The following PCDHGA4 variants were observed in gnomAD, a reference collection of about 807,000 sequenced individuals.
PCDHGA4 encodes protocadherin gamma subfamily A, 4.
In PCDHGA4, 38 loss-of-function variants were observed where a neutral mutation model predicts 54.6. The ratio of observed to expected loss-of-function variants is 0.70; its 90% CI spans 0.54 to 0.91. The LOEUF is 0.91. PCDHGA4 is among the 40% of genes least tolerant of loss of function. The pLI is 0.00. For missense variants in PCDHGA4, 1,298 were observed against 1,220.9 expected (o/e 1.06, Z -0.94); for synonymous variants, 511 against 512.9 (o/e 1.00, Z 0.05).
intron 1 of PCDHGA4, chr5:141,374,786 G>A (rs1476058358): frequency 1.2e-6 from 2 of 1,613,912 alleles, no homozygotes; most frequent in Admixed American, 1.7e-5. Flanking sequence ...AGTTCTAGAT[G>A]TGAATGACAA....
chr5:141,362,349 G>T (rs765171901), intron 1 of PCDHGA4: 1 of 1,613,918 alleles, frequency 6.2e-7, no homozygotes, highest in Non-Finnish European at 8.5e-7. Context: ...CTGGACCTGG[G>T]GTTCTCCCCA....
At chr5:141,371,995 C>T in intron 1 of PCDHGA4, 2 of 1,613,264 alleles carry the variant, frequency 1.2e-6, no homozygotes, top group Non-Finnish European at 1.7e-6. Context: ...ACTCTGCAGG[C>T]CCGCGACCAG....
At chr5:141,478,785 A>C in intron 1 of PCDHGA4, 1 of 1,482,486 alleles carries the variant, frequency 6.7e-7, no homozygotes, top group Non-Finnish European at 9.0e-7. Flanking sequence ...GACCTAATTC[A>C]CATCCTCAGC....
rs574920194 is a variant in PCDHGA4 at position 141,364,921 on chromosome 5, A to C, written c.2514+7300A>C. ...AAAAGTATCCGGAGCTGGTGTTGGA[A>C]CAGCCCCTAGACCGCGAGAAAGAGA... On this transcript the variant is annotated intron_variant, in intron 1 of 3. Coordinates refer to ENST00000571252, the MANE Select transcript of PCDHGA4 (RefSeq NM_018917.4). 2.2e-5 allele frequency: 36 copies of C among 1,613,954 alleles called. No individual in the cohort carries two copies. In the African/African-American group the frequency reaches 3.6e-4, roughly 16 times the overall value.
At chr5:141,374,730 A>G (rs1770785005) in intron 1 of PCDHGA4, 1 of 1,610,644 alleles carries the variant, frequency 6.2e-7, no homozygotes, top group South Asian at 1.1e-5. Context: ...ACTGCCATGG[A>G]TGGCGGCGAC....
intron 1 of PCDHGA4, among the ~76,000 whole-genome samples, chr5:141,381,823 CTTCTT>C (rs1323470445): frequency 1.5e-4 from 15 of 101,616 alleles, no homozygotes; most frequent in African/African-American, 5.6e-4. Context: ...TTTCTTTCTT[CTTCTT>C]TTTTTTTTTT....
At chr5:141,374,761 C>T in intron 1 of PCDHGA4, 1 of 1,613,458 alleles carries the variant, frequency 6.2e-7, no homozygotes, top group African/African-American at 1.3e-5. Context: ...CAAGCGTCGC[C>T]CAAATTCTGG....
intron 1 of PCDHGA4, chr5:141,372,483 G>C: frequency 1.2e-6 from 2 of 1,614,028 alleles, no homozygotes; most frequent in Non-Finnish European, 1.7e-6. Flanking sequence ...AGTGGCGTTG[G>C]CCTTGATCTC....
chr5:141,505,779 T>G (rs1420143439), intron 3 of PCDHGA4, among the ~76,000 whole-genome samples: 1 of 139,496 alleles, frequency 7.2e-6, no homozygotes, highest in Non-Finnish European at 1.6e-5. Flanking sequence ...GTCCTAGCTC[T>G]GCTACTATCC....
In PCDHGA4 at chr5:141,422,884, G is replaced by C. The variant is rs202035589; in HGVS notation, c.2514+65263G>C. On this transcript the variant is annotated intron_variant, in intron 1 of 3. Transcript: ENST00000571252. ...CAGCAACGTGTCGCTGAGCCTGTTC[G>C]TGCTGGACCAGAACGACAATGCGCC... The C allele has an allele frequency of 1.7e-4, 278 of 1,614,240 alleles. No homozygotes were observed. The African/African-American group carries it at 2.0e-3, about 12-fold the overall frequency.
At position 141,393,422 on chromosome 5, in the gene PCDHGA4, G is replaced by C. The variant is rs552855100; in HGVS notation, c.2514+35801G>C. 12 of 1,614,042 alleles carry C rather than the reference G, an allele frequency of 7.4e-6. No individual in the cohort carries two copies. The East Asian group carries it at 2.7e-4, about 36-fold the overall frequency. On this transcript the variant is annotated intron_variant, in intron 1 of 3. Coordinates refer to ENST00000571252, the MANE Select transcript of PCDHGA4 (RefSeq NM_018917.4). ...TGCTGGAGCGCGCCCTGGACAGGGA[G>C]GAAGAGGCTGCTCACCACCTGGTCC...
chr5:141,405,800 C>T (rs1034546914), intron 1 of PCDHGA4, among the ~76,000 whole-genome samples: 11 of 147,346 alleles, frequency 7.5e-5, no homozygotes, highest in African/African-American at 2.5e-4. Flanking sequence ...TTATAGTTAG[C>T]TTTCTCTTTA....
In PCDHGA4 at chr5:141,383,270, T is replaced by C. The variant is rs373497176; in HGVS notation, c.2514+25649T>C. 25 of 1,613,746 alleles carry C rather than the reference T, an allele frequency of 1.5e-5. No homozygotes were observed. Among genetic ancestry groups the C allele is most frequent in the East Asian group, 1.1e-4 (5 of 44,896 alleles). On this transcript the variant is annotated intron_variant, in intron 1 of 3. Transcript: ENST00000571252. ...CTTTACCCTATAGACGTGGAAATAA[T>C]AGATATTAATGACAACGTTCCAAGA...
intron 1 of PCDHGA4, chr5:141,383,587 G>A (rs1054174619): frequency 3.1e-6 from 5 of 1,613,564 alleles, no homozygotes; most frequent in African/African-American, 1.3e-5. Context: ...CCACATCCAG[G>A]TGACAGTGGT....
intron 1 of PCDHGA4, chr5:141,393,878 A>C: frequency 1.9e-6 from 3 of 1,614,022 alleles, no homozygotes; most frequent in Non-Finnish European, 2.5e-6. Context: ...TGTTTAGCCC[A>C]GTGTTAGAAA....
At chr5:141,504,206 A>G (rs1209911822) in intron 2 of PCDHGA4, among the ~76,000 whole-genome samples, 1 of 152,218 alleles carries the variant, frequency 6.6e-6, no homozygotes, top group African/African-American at 2.4e-5. Flanking sequence ...CTGTGGGAAA[A>G]TTCCAAGTAG....
chr5:141,361,410 C>G (rs759239364), intron 1 of PCDHGA4: 5 of 1,614,054 alleles, frequency 3.1e-6, no homozygotes, highest in Non-Finnish European at 2.5e-6. Context: ...TCACAGCCAC[C>G]GACGGGGGCA....
intron 1 of PCDHGA4, chr5:141,360,473 C>T: frequency 6.2e-7 from 1 of 1,613,878 alleles, no homozygotes; most frequent in Non-Finnish European, 8.5e-7. Flanking sequence ...GCTGAAAATC[C>T]ACTAAATATT....
At position 141,492,138 on chromosome 5, in the gene PCDHGA4, T is replaced by C. The variant is rs577884713; in HGVS notation, c.2515-2669T>C. ...ATTTCTCCCCAGCTCCCAGCATCTG[T>C]GACTTCACTGTTACCCTCCCTATCC... On this transcript the variant is annotated intron_variant, in intron 1 of 3. Coordinates refer to ENST00000571252, the MANE Select transcript of PCDHGA4 (RefSeq NM_018917.4). 2.4e-3 allele frequency among the ~76,000 whole-genome samples: 366 copies of C among 152,312 alleles called. 1 individual carries two copies. Among genetic ancestry groups the C allele is most frequent in the Non-Finnish European group, 3.5e-3 (238 of 68,014 alleles).
Sources: gnomAD v4.1 joint callset for allele counts (sites outside exome capture counted in the v4.1 genomes callset) on GRCh38, gnomAD v4.1.1 for gene constraint, MANE v1.5 for transcripts, NCBI Gene and HGNC (gene_info 2026-07-23, HGNC 2026-07-21) for gene names.